The following DNAH8 variants were observed in gnomAD, a reference collection of about 807,000 sequenced individuals.
The protein encoded by DNAH8 is dynein axonemal heavy chain 8.
A neutral mutation model predicts 562.1 loss-of-function variants in DNAH8; 382 were observed. The ratio of observed to expected loss-of-function variants is 0.68; its 90% confidence interval spans 0.63 to 0.74. The LOEUF (loss-of-function observed/expected upper bound fraction) is 0.74, where lower values mean the gene tolerates loss of function less well. Among genes scored for constraint, DNAH8 ranks in the 30% least tolerant of loss-of-function variants. The pLI is 0.00. For missense variants in DNAH8, 5,203 were observed against 5,620.4 expected, an observed-to-expected ratio of 0.93 and a Z score of 2.37; for synonymous variants, 1,881 against 1,919.4, an observed-to-expected ratio of 0.98 and a Z score of 0.52.
intron 63 of DNAH8, 58 bp downstream of exon 63, chr6:38,906,465 T>C: frequency 7.5e-7 from 1 of 1,330,984 alleles, no homozygotes; most frequent in South Asian, 2.1e-5. Flanking sequence ...TATATTGGAA[T>C]AGAAAAAGCA....
rs76441283 is a variant in DNAH8 at position 38,825,842 on chromosome 6, C to T, written c.3848-314C>T. Among the ~76,000 whole-genome samples the T allele has an allele frequency of 6.1e-3, 922 of 152,188 alleles. 9 individuals are homozygous for T. Among genetic ancestry groups the T allele is most frequent in the African/African-American group, 0.021 (869 of 41,508 alleles). On this transcript the variant is annotated intron_variant, in intron 28 of 92. Coordinates refer to ENST00000327475, the MANE Select transcript of DNAH8 (RefSeq NM_001206927.2). The stretch of plus-strand genomic sequence containing the variant: ...GAAAAATGCGAGAATGAATGAGGGC[C>T]GCTAATGGGATGGTCAGAAGAAGTG...
chr6:38,935,896 C>T (rs1338168249), intron 77 of DNAH8, among the ~76,000 whole-genome samples, 199 bp downstream of exon 77: 1 of 152,162 alleles, frequency 6.6e-6, no homozygotes, highest in East Asian at 1.9e-4. Context: ...AGAGACTGAG[C>T]ATCTGAGAAT....
chr6:38,724,620 A>G (rs555043881), intron 3 of DNAH8, among the ~76,000 whole-genome samples: 1 of 152,250 alleles, frequency 6.6e-6, no homozygotes, highest in East Asian at 1.9e-4. Context: ...GATTAACAGT[A>G]CCTCCTGACA....
chr6:38,982,141 C>T lies in DNAH8; in HGVS notation c.12835-205C>T, dbSNP rs9369097. Among the ~76,000 whole-genome samples, 20,291 of 152,108 alleles carry T rather than the reference C, an allele frequency of 0.13. 1,635 individuals carry two copies. Among genetic ancestry groups the T allele is most frequent in the East Asian group, 0.35 (1,817 of 5,164 alleles). On this transcript the variant is annotated intron_variant, in intron 85 of 92. Coordinates refer to ENST00000327475, the MANE Select transcript of DNAH8 (RefSeq NM_001206927.2). ...GTGTAAGTGCCCTCTAAGATGTTTG[C>T]GTGAGGAAATTGCTTAATGATGCAT...
At chr6:38,751,220 C>A (rs1765422413) in intron 9 of DNAH8, among the ~76,000 whole-genome samples, 1 of 152,214 alleles carries the variant, frequency 6.6e-6, no homozygotes, top group South Asian at 2.1e-4. Context: ...GGCCCCAGTC[C>A]CTTGCCACGT....
At chr6:38,894,992 G>C in intron 59 of DNAH8, 128 bp downstream of exon 59, 1 of 907,470 alleles carries the variant, frequency 1.1e-6, no homozygotes, top group Non-Finnish European at 1.6e-6. Flanking sequence ...GCAATGGTGC[G>C]ATCTCAGCTG....
chr6:38,823,438 C>T lies in DNAH8; in HGVS notation c.3721-124C>T, dbSNP rs555696063. The stretch of plus-strand genomic sequence containing the variant: ...TCCTGGTGGACACCCTATTTCTTAC[C>T]CAGCCACTGGCCCCATTGCACACAC... On this transcript the variant is annotated intron_variant, in intron 27 of 92. Transcript: ENST00000327475. The T allele has an allele frequency of 3.2e-5, 22 of 697,248 alleles. No homozygotes were observed. The South Asian group carries it at 4.1e-4, about 13-fold the overall frequency. The allele number at this position is 697,248 out of a possible 1,614,324, so 43.2% of individuals were successfully genotyped here.
At chr6:39,010,794 C>T (rs1030219734) in intron 89 of DNAH8, among the ~76,000 whole-genome samples, 11 of 125,980 alleles carry the variant, frequency 8.7e-5, no homozygotes, top group Non-Finnish European at 1.7e-4. Context: ...CACACACGCA[C>T]GTGTACGCAC....
chr6:38,915,855 C>T (rs9462463), intron 68 of DNAH8, among the ~76,000 whole-genome samples: 28,186 of 58,172 alleles, frequency 0.48, 4,881 homozygotes, highest in African/African-American at 0.63. Flanking sequence ...CACACACATA[C>T]ACACACACAC....
intron 82 of DNAH8, among the ~76,000 whole-genome samples, chr6:38,962,995 G>A (rs1017080236): frequency 1.3e-5 from 2 of 152,128 alleles, no homozygotes; most frequent in Non-Finnish European, 2.9e-5. Context: ...GAGGGTGTGA[G>A]GGATAAAATA....
At position 38,898,343 on chromosome 6, in the gene DNAH8, TG is replaced by T; in HGVS notation, c.9028del (p.Val3010CysfsTer7). The T allele has an allele frequency of 6.3e-7, 1 of 1,586,008 alleles. No individual in the cohort carries two copies. The highest frequency in any genetic ancestry group is 8.5e-7 in the Non-Finnish European group (1 of 1,171,540). On this transcript the variant is annotated frameshift_variant, in exon 61 of 93. Coordinates refer to ENST00000327475, the MANE Select transcript of DNAH8 (RefSeq NM_001206927.2). LOFTEE classifies it high-confidence loss of function. ...ATCATTAGAGGAACATCTCTTGATCTGGTGTTTTTTAAAGATGCAATGACTC... is the reference window on the plus strand; with the variant it reads ...ATCATTAGAGGAACATCTCTTGATCTGTGTTTTTTAAAGATGCAATGACTC... ...NEIIRGTSLD[L>X]VFFKDAMTHL...
chr6:38,727,452 C>T (rs1043855683), intron 3 of DNAH8, among the ~76,000 whole-genome samples: 1 of 152,108 alleles, frequency 6.6e-6, no homozygotes, highest in African/African-American at 2.4e-5. Flanking sequence ...CTGTTCCTGA[C>T]TGTGGTTCTC....
Position 38,917,787 on chromosome 6 carries a change from AC to A in DNAH8, c.10309-137del, listed in dbSNP as rs1399311043. ...TGTGATTTACAGATTTAGGTTGGCT[AC>A]TGCCAATAGTCTCAATTTGTGTATT... On this transcript the variant is annotated intron_variant, in intron 69 of 92. Transcript: ENST00000327475. 9.7e-6 allele frequency: 6 copies of A among 621,706 alleles called. No individual in the cohort carries two copies. The Admixed American group carries it at 1.9e-4, about 20-fold the overall frequency. 38.5% of individuals were successfully genotyped at this position (621,706 alleles called of 1,614,324 possible). A position where few individuals can be genotyped will look rare whatever the true frequency, so the allele number is the denominator to read the frequency against.
chr6:38,719,899 G>T (rs113223098), intron 1 of DNAH8, among the ~76,000 whole-genome samples: 4,566 of 152,202 alleles, frequency 0.03, 211 homozygotes, highest in African/African-American at 0.095. Flanking sequence ...CAAGCTGGCT[G>T]TTTCTTCTCC....
At chr6:39,029,211 G>A (rs1186753323) in intron 92 of DNAH8, among the ~76,000 whole-genome samples, 2 of 152,104 alleles carry the variant, frequency 1.3e-5, no homozygotes, top group African/African-American at 2.4e-5. Flanking sequence ...AAATACTGGG[G>A]CTTTTCCGGC....
chr6:38,995,613 T>C (rs1409683498), intron 88 of DNAH8, among the ~76,000 whole-genome samples: 3 of 152,248 alleles, frequency 2.0e-5, no homozygotes, highest in African/African-American at 7.2e-5. Flanking sequence ...TTGTTTCATC[T>C]AGGTTTTCGT....
intron 62 of DNAH8, among the ~76,000 whole-genome samples, chr6:38,904,157 A>T (rs1044509148): frequency 1.1e-4 from 16 of 152,218 alleles, no homozygotes; most frequent in Non-Finnish European, 2.4e-4. Context: ...AAAAATGACC[A>T]GCTTTGAAGG....
intron 71 of DNAH8, among the ~76,000 whole-genome samples, chr6:38,921,974 G>C (rs1456809147): frequency 6.6e-6 from 1 of 151,872 alleles, no homozygotes; most frequent in African/African-American, 2.4e-5. Context: ...GGTGCTCAGT[G>C]GGGGAGCTTT....
chr6:38,965,401 A>T (rs543633639), intron 82 of DNAH8, among the ~76,000 whole-genome samples: 3 of 152,186 alleles, frequency 2.0e-5, no homozygotes, highest in Non-Finnish European at 4.4e-5. Flanking sequence ...TGGATTATGC[A>T]TATTAAAAGG....
Sources: gnomAD v4.1 joint callset for allele counts (sites outside exome capture counted in the v4.1 genomes callset) on GRCh38, gnomAD v4.1.1 for gene constraint, MANE v1.5 for transcripts, NCBI Gene and HGNC (gene_info 2026-07-23, HGNC 2026-07-21) for gene names.